ZNF581: variants seen among roughly 807,000 people sequenced by gnomAD.
ZNF581 encodes the protein zinc finger protein 581.
Under a neutral mutation model 1.2 loss-of-function variants are expected in ZNF581, and 1 was observed. That is an observed-to-expected ratio of 0.83 (90% CI 0.30 to 3.95). The LOEUF is 3.95. Ranked by LOEUF, ZNF581 falls within the 30% of genes most tolerant of loss-of-function variation. The pLI is 0.18. For synonymous variants in ZNF581, 105 were observed against 109.2 expected (o/e 0.96, Z 0.24); for missense variants, 273 against 274.6 (o/e 0.99, Z 0.04).
chr19:55,638,235 G>C (rs186981222), upstream of ZNF581, among the ~76,000 whole-genome samples: 5,859 of 144,218 alleles, frequency 0.041, 207 homozygotes, highest in South Asian at 0.17. Flanking sequence ...ACGCTTTTTT[G>C]TTTGTTTGTT....
upstream of ZNF581, chr19:55,642,192 AG>A: frequency 8.8e-7 from 1 of 1,134,236 alleles, no homozygotes; most frequent in Non-Finnish European, 1.1e-6. Flanking sequence ...GTGGGTTGAG[AG>A]GAGAAAAGGG....
At chr19:55,642,656 C>T, upstream of ZNF581, 1 of 1,426,246 alleles carries the variant, frequency 7.0e-7, no homozygotes, top group Non-Finnish European at 9.2e-7. Flanking sequence ...ACCCCCGCGG[C>T]TGGGCCGCCA....
chr19:55,639,441 C>G (rs903779242), upstream of ZNF581, among the ~76,000 whole-genome samples: 4 of 152,296 alleles, frequency 2.6e-5, no homozygotes, highest in Middle Eastern at 3.4e-3. Flanking sequence ...GAGTGAGACT[C>G]TGTCTCAAAA....
rs1982782836 is a variant in ZNF581, at chr19:55,645,224, CCAG to C, written c.*60_*62del. On this transcript the variant is annotated 3_prime_UTR_variant, in exon 2 of 2. Coordinates refer to ENST00000270451, the MANE Select transcript of ZNF581 (RefSeq NM_016535.4). ...CTTTGCAGGGAGCCTGGACTCCTGTCCAGACACCTGGTGAGAGCCTGAGGCTGG... is the reference window on the plus strand; with the variant it reads ...CTTTGCAGGGAGCCTGGACTCCTGTCACACCTGGTGAGAGCCTGAGGCTGG... 7.0e-7 allele frequency: 1 copy of C among 1,423,562 alleles called. No individual in the cohort carries two copies. The highest frequency in any genetic ancestry group is 2.4e-5 in the Admixed American group (1 of 41,398). 88.2% of individuals were successfully genotyped at this position (1,423,562 alleles called of 1,614,324 possible).
upstream of ZNF581, chr19:55,642,148 G>GGT (rs1182665500): frequency 4.8e-6 from 5 of 1,049,832 alleles, no homozygotes; most frequent in African/African-American, 8.4e-5. Flanking sequence ...GATGTAAAGA[G>GGT]GTAAACAGAT....
At chr19:55,640,284 A>C, upstream of ZNF581, 4 of 985,444 alleles carry the variant, frequency 4.1e-6, no homozygotes, top group Non-Finnish European at 4.8e-6. Flanking sequence ...AGTCCTTCGC[A>C]TGCGCAGCCA....
At chr19:55,638,541 G>T (rs981750700), upstream of ZNF581, among the ~76,000 whole-genome samples, 1 of 152,084 alleles carries the variant, frequency 6.6e-6, no homozygotes, top group Non-Finnish European at 1.5e-5. Context: ...AGCCTGACAT[G>T]CTCTTTTAAA....
chr19:55,635,993 C>T (rs969925006), intron 1 of ZNF581, among the ~76,000 whole-genome samples: 1 of 152,102 alleles, frequency 6.6e-6, no homozygotes, highest in African/African-American at 2.4e-5. Flanking sequence ...CAAGGTCTGG[C>T]CAGGGGGCTG....
chr19:55,640,694 T>C, upstream of ZNF581: 1 of 985,420 alleles, frequency 1.0e-6, no homozygotes, highest in Non-Finnish European at 1.2e-6. Flanking sequence ...TCTCCCGCCC[T>C]CTACCTCGGT....
At chr19:55,641,535 A>G (rs1273550054), upstream of ZNF581, among the ~76,000 whole-genome samples, 1 of 152,102 alleles carries the variant, frequency 6.6e-6, no homozygotes, top group African/African-American at 2.4e-5. Flanking sequence ...CACGAGGAGA[A>G]AGAGAGATGC....
upstream of ZNF581, among the ~76,000 whole-genome samples, chr19:55,638,030 A>G (rs1031392855): frequency 1.3e-5 from 2 of 152,160 alleles, no homozygotes; most frequent in African/African-American, 2.4e-5. Flanking sequence ...TTGTGTCTCT[A>G]TGAGTGAATA....
chr19:55,638,580 A>C (rs1982235955), upstream of ZNF581, among the ~76,000 whole-genome samples: 1 of 151,950 alleles, frequency 6.6e-6, no homozygotes, highest in East Asian at 1.9e-4. Context: ...ACTCAGCGAG[A>C]TCTCACTCAT....
At chr19:55,641,657 CAGAA>C (rs1458153993), upstream of ZNF581, 1 of 147,206 alleles carries the variant, frequency 6.8e-6, no homozygotes, top group Admixed American at 6.9e-5. Flanking sequence ...CTGATGGGTA[CAGAA>C]AGAAGTAACG....
Position 55,645,002 on chromosome 19 carries a change from C to A in ZNF581, c.431C>A (p.Pro144His). 6.3e-7 allele frequency: 1 copy of A among 1,599,482 alleles called. No homozygotes were observed. Among genetic ancestry groups the A allele is most frequent in the South Asian group, 1.1e-5 (1 of 90,512 alleles). Residue 144 changes from proline (P) to histidine (H), a missense_variant, in exon 2 of 2, where the codon CCC (proline) becomes CAC (histidine). Physicochemically the swap from Pro to His is moderately conservative, Grantham distance 77. Transcript: ENST00000270451. The stretch of plus-strand genomic sequence containing the variant: ...ATTCACCTGGCGGGTGGTGGGCGGC[C>A]CCACGGCTGCCCGCTCTGCCCTCGC... ...HSIHLAGGGR[P>H]HGCPLCPRRF...
Position 55,645,175 on chromosome 19 carries a change from C to T in ZNF581, c.*10C>T. On this transcript the variant is annotated 3_prime_UTR_variant, in exon 2 of 2. Transcript: ENST00000270451. The stretch of plus-strand genomic sequence containing the variant: ...GTGGAAGCATCCATGAGCCGGGCTG[C>T]CGGGTGCCCCAGGTACCACAGGACT... 1 of 1,512,008 alleles carries T rather than the reference C, an allele frequency of 6.6e-7. No individual in the cohort carries two copies. Among genetic ancestry groups the T allele is most frequent in the Non-Finnish European group, 8.9e-7 (1 of 1,128,352 alleles). The allele number at this position is 1,512,008 out of a possible 1,614,324, so 93.7% of individuals were successfully genotyped here.
upstream of ZNF581, among the ~76,000 whole-genome samples, chr19:55,637,643 G>C (rs1337997458): frequency 6.6e-6 from 1 of 152,202 alleles, no homozygotes; most frequent in African/African-American, 2.4e-5. Flanking sequence ...TTGCGCTGGG[G>C]TGGCAGCGGC....
upstream of ZNF581, among the ~76,000 whole-genome samples, chr19:55,636,698 G>C (rs1198369211): frequency 6.6e-6 from 1 of 152,114 alleles, no homozygotes; most frequent in African/African-American, 2.4e-5. Context: ...TTGTGCTGTG[G>C]GATGTGAAGG....
upstream of ZNF581, among the ~76,000 whole-genome samples, chr19:55,641,573 T>TG (rs1982482445): frequency 2.0e-5 from 3 of 151,740 alleles, no homozygotes; most frequent in South Asian, 6.2e-4. Flanking sequence ...GAGGGGAAAG[T>TG]GGGCTTGGGA....
At chr19:55,639,207 G>T (rs1443194463), upstream of ZNF581, among the ~76,000 whole-genome samples, 1 of 151,990 alleles carries the variant, frequency 6.6e-6, no homozygotes, top group Non-Finnish European at 1.5e-5. Flanking sequence ...GTTGGGGGAG[G>T]GTGCTACTGC....
Sources: allele counts gnomAD v4.1 joint callset (sites outside exome capture counted in the v4.1 genomes callset), GRCh38; gene constraint gnomAD v4.1.1; transcripts MANE v1.5; gene names NCBI Gene and HGNC (gene_info 2026-07-23, HGNC 2026-07-21).